DHRS3: variants seen among roughly 807,000 people sequenced by gnomAD.
DHRS3 encodes dehydrogenase/reductase 3.
A neutral mutation model predicts 27.2 loss-of-function variants in DHRS3; 14 were observed. That is an observed-to-expected ratio of 0.52 (90% CI 0.34 to 0.81). The LOEUF (loss-of-function observed/expected upper bound fraction) is 0.81. Ranked by LOEUF, DHRS3 falls within the 30% of genes least tolerant of loss-of-function variation. The pLI, the probability that DHRS3 is intolerant of heterozygous loss-of-function variation, is 0.01. For synonymous variants in DHRS3, 165 were observed against 175.9 expected (o/e 0.94, Z 0.49); for missense variants, 322 against 406.2 (o/e 0.79, Z 1.78).
At chr1:12,605,732 TCTC>T (rs1316910474) in intron 1 of DHRS3, among the ~76,000 whole-genome samples, 2 of 151,990 alleles carry the variant, frequency 1.3e-5, no homozygotes, top group African/African-American at 2.4e-5. Flanking sequence ...CAACATAAAT[TCTC>T]CTAAAACTGA....
intron 1 of DHRS3, among the ~76,000 whole-genome samples, chr1:12,585,197 G>GTGTGTCTGTGTATCTC (rs1448806934): frequency 2.3e-3 from 58 of 24,810 alleles, no homozygotes; most frequent in Admixed American, 0.011. Context: ...TTCTGTGTGT[G>GTGTGTCTGTGTATCTC]TGTGTGTCTG....
At position 12,573,806 on chromosome 1, in the gene DHRS3, C is replaced by T. The variant is rs147989946; in HGVS notation, c.699-953G>A. On this transcript the variant is annotated intron_variant, in intron 4 of 5. Coordinates refer to ENST00000616661, the MANE Select transcript of DHRS3 (RefSeq NM_004753.7). ...ATCCAAACAATGATGATGTTCCCTA[C>T]GTGCCAGACTCATGTACAAATTATT... Among the ~76,000 whole-genome samples, 39 of 152,360 alleles carry T rather than the reference C, an allele frequency of 2.6e-4. No homozygotes were observed. The East Asian group carries it at 4.2e-3, about 17-fold the overall frequency.
rs997060697 is a variant in DHRS3 at position 12,591,835 on chromosome 1, A to T, written c.196-11169T>A. On this transcript the variant is annotated intron_variant, in intron 1 of 5. Coordinates refer to ENST00000616661, the MANE Select transcript of DHRS3 (RefSeq NM_004753.7). The surrounding 1 kb of genome is among the most constrained non-coding windows in gnomAD (Gnocchi z 4.1). ...ATTCATTCAGTGCACAGGTACAGTG[A>T]GCTGATGCCATGTCCAAGGACTGGA... Among the ~76,000 whole-genome samples, 1 of 152,242 alleles carries T rather than the reference A, an allele frequency of 6.6e-6. No homozygotes were observed. Among genetic ancestry groups the T allele is most frequent in the Non-Finnish European group, 1.5e-5 (1 of 68,038 alleles).
intron 1 of DHRS3, among the ~76,000 whole-genome samples, chr1:12,611,824 G>A (rs1204443256): frequency 1.3e-5 from 2 of 151,968 alleles, no homozygotes; most frequent in Non-Finnish European, 2.9e-5. Context: ...GGGTGTGGAA[G>A]CTCATACCTG....
At position 12,608,771 on chromosome 1, in the gene DHRS3, C is replaced by A. The variant is rs1040193566; in HGVS notation, c.195+8383G>T. On this transcript the variant is annotated intron_variant, in intron 1 of 5. Transcript: ENST00000616661. The surrounding 1 kb of genome is among the most constrained non-coding windows in gnomAD (Gnocchi z 4.1). Reference sequence around the variant, plus strand: ...CAGGGCCCAGGTCTGCATTTTCGAGCCCTCCCCACGGGCCTAGCATGGGCC... The same window carrying A: ...CAGGGCCCAGGTCTGCATTTTCGAGACCTCCCCACGGGCCTAGCATGGGCC... Among the ~76,000 whole-genome samples the A allele has an allele frequency of 1.3e-5, 2 of 152,192 alleles. No individual in the cohort carries two copies. Among genetic ancestry groups the A allele is most frequent in the Non-Finnish European group, 2.9e-5 (2 of 68,036 alleles).
At chr1:12,580,497 G>C in intron 2 of DHRS3, 26 bp downstream of exon 2, 1 of 1,614,096 alleles carries the variant, frequency 6.2e-7, no homozygotes, top group Non-Finnish European at 8.5e-7. Flanking sequence ...AGCTGTGCTA[G>C]GAATAGACCC....
intron 1 of DHRS3, among the ~76,000 whole-genome samples, chr1:12,610,967 G>T (rs1031848124): frequency 2.0e-5 from 3 of 152,152 alleles, no homozygotes; most frequent in Non-Finnish European, 4.4e-5. Context: ...GCTGGTAGTG[G>T]CAGGTTAAGA....
rs955641616 is a variant in DHRS3, at chr1:12,586,264, C to G, written c.196-5598G>C. On this transcript the variant is annotated intron_variant, in intron 1 of 5. Transcript: ENST00000616661. This position sits in a 1 kb window ranked among gnomAD's most constrained non-coding sequence, Gnocchi z 5.0. Reference sequence around the variant, plus strand: ...CTCAAAGGAGTTAAGTAACTCACCCCACGCCACCCACTGTGAAACAGGATT... The same window carrying G: ...CTCAAAGGAGTTAAGTAACTCACCCGACGCCACCCACTGTGAAACAGGATT... Among the ~76,000 whole-genome samples the G allele has an allele frequency of 6.6e-6, 1 of 152,196 alleles. No homozygotes were observed. The highest frequency in any genetic ancestry group is 1.5e-5 in the Non-Finnish European group (1 of 68,032).
intron 1 of DHRS3, among the ~76,000 whole-genome samples, chr1:12,606,311 C>CA (rs56928608): frequency 0.59 from 57,702 of 97,992 alleles, 16,006 homozygotes; most frequent in East Asian, 0.75. Context: ...CAATTAACAG[C>CA]AAAAAAAAAA....
rs776354342 is a variant in DHRS3 at position 12,572,879 on chromosome 1, G to C, written c.699-26C>G. 3 of 1,565,838 alleles carry C rather than the reference G, an allele frequency of 1.9e-6. No homozygotes were observed. The African/African-American group carries it at 4.1e-5, about 21-fold the overall frequency. On this transcript the variant is annotated intron_variant, in intron 4 of 5. Transcript: ENST00000616661. ...CTGAACACAGGAAGAGACACAGTGG[G>C]TTTCTCCTGGAGAGGCATGTGCTTA... is the stretch of plus-strand genomic sequence containing the variant.
rs1255723609 is a variant in DHRS3 at position 12,580,508 on chromosome 1, T to A, written c.339+15A>T. 1.9e-6 allele frequency: 3 copies of A among 1,613,998 alleles called. No homozygotes were observed. The African/African-American group carries it at 4.0e-5, about 22-fold the overall frequency. On this transcript the variant is annotated intron_variant, in intron 2 of 5. Coordinates refer to ENST00000616661, the MANE Select transcript of DHRS3 (RefSeq NM_004753.7). ...GGTCAGCTGTGCTAGGAATAGACCCTCCCAGGCTACAGACCTTCTCCCGGA... is the reference window on the plus strand; with the variant it reads ...GGTCAGCTGTGCTAGGAATAGACCCACCCAGGCTACAGACCTTCTCCCGGA...
rs1646549221 is a variant in DHRS3, at chr1:12,572,728, C to T, written c.824G>A (p.Ser275Asn). 2.5e-6 allele frequency: 4 copies of T among 1,595,082 alleles called. No individual in the cohort carries two copies. The highest frequency in any genetic ancestry group is 1.3e-5 in the African/African-American group (1 of 74,868). ...AGAGTGTTCTTTCCCAGCCCCATAC[C>T]TTTTCAAGATAACGAGGGCATGCAT... ...WTMHALVILK[S>N]ILPQAALEEI... Residue 275 changes from serine to asparagine, a missense_variant and splice_region_variant, in exon 5 of 6, where the codon AGC becomes AAC. Coordinates refer to ENST00000616661, the MANE Select transcript of DHRS3 (RefSeq NM_004753.7).
At chr1:12,616,901 G>T (rs1646948494) in intron 1 of DHRS3, 9 of 972,132 alleles carry the variant, frequency 9.3e-6, no homozygotes, top group Non-Finnish European at 1.3e-5. Context: ...AGGTTTCAGG[G>T]TGGGGGTGAA....
intron 1 of DHRS3, among the ~76,000 whole-genome samples, chr1:12,601,481 A>G (rs989668723): frequency 1.3e-5 from 2 of 152,140 alleles, no homozygotes; most frequent in Non-Finnish European, 2.9e-5. Flanking sequence ...GGGGAGAGAG[A>G]AACTCTCCTG....
chr1:12,580,196 T>C (rs1426776592), intron 2 of DHRS3: 1 of 388,052 alleles, frequency 2.6e-6, no homozygotes, highest in Non-Finnish European at 4.9e-6. Flanking sequence ...TGGAGGTCAC[T>C]GATATATTTA....
At chr1:12,590,005 C>A (rs1646732027) in intron 1 of DHRS3, among the ~76,000 whole-genome samples, 1 of 152,124 alleles carries the variant, frequency 6.6e-6, no homozygotes, top group Non-Finnish European at 1.5e-5. Flanking sequence ...GGGGCAAAAC[C>A]ACAGAATCTT....
Position 12,582,384 on chromosome 1 carries a change from A to C in DHRS3, c.196-1718T>G, listed in dbSNP as rs58157010. Among the ~76,000 whole-genome samples, 128 of 152,196 alleles carry C rather than the reference A, an allele frequency of 8.4e-4. 1 individual carries two copies. Among genetic ancestry groups the C allele is most frequent in the African/African-American group, 3.0e-3 (124 of 41,524 alleles). Reference sequence around the variant, plus strand: ...GTGTTCTCTAAAGCCCAGTTTGAAAACCCCACTTAGTCTAGCCACTTTATT... The same window carrying C: ...GTGTTCTCTAAAGCCCAGTTTGAAACCCCCACTTAGTCTAGCCACTTTATT... On this transcript the variant is annotated intron_variant, in intron 1 of 5. Transcript: ENST00000616661.
chr1:12,583,712 A>C (rs1258886733), intron 1 of DHRS3, among the ~76,000 whole-genome samples: 1 of 144,612 alleles, frequency 6.9e-6, no homozygotes, highest in Non-Finnish European at 1.5e-5. Flanking sequence ...CCACTCACCT[A>C]CCCTACTCCA....
chr1:12,575,861 C>T (rs1570357065), intron 4 of DHRS3, among the ~76,000 whole-genome samples: 1 of 152,158 alleles, frequency 6.6e-6, no homozygotes, highest in Non-Finnish European at 1.5e-5. Flanking sequence ...CACCCACCAC[C>T]ATGCCTGGCT....
Sources: gnomAD v4.1 joint callset for allele counts (sites outside exome capture counted in the v4.1 genomes callset) on GRCh38, gnomAD v4.1.1 for gene constraint, Gnocchi (gnomAD v3.1) non-coding constraint, MANE v1.5 for transcripts, NCBI Gene and HGNC (gene_info 2026-07-23, HGNC 2026-07-21) for gene names.